AGMO: variants seen among roughly 807,000 people sequenced by gnomAD.
AGMO encodes glyceryl-ether monooxygenase.
AGMO carries 75 observed loss-of-function variants against 60.2 expected under a neutral mutation model. That is an observed-to-expected ratio of 1.25 (90% CI 1.03 to 1.51). AGMO has a LOEUF of 1.51. Ranked by LOEUF, AGMO falls within the 40% of genes most tolerant of loss-of-function variation. AGMO has a pLI of 0.00. For synonymous variants in AGMO, 261 were observed against 177.1 expected (o/e 1.47, Z -3.76); for missense variants, 763 against 525.5 (o/e 1.45, Z -4.42).
intron 5 of AGMO, among the ~76,000 whole-genome samples, chr7:15,416,571 A>G (rs187891740): frequency 6.6e-6 from 1 of 152,132 alleles, no homozygotes; most frequent in Non-Finnish European, 1.5e-5. Context: ...ACTGATTTTT[A>G]TGGATGTTAG....
chr7:15,139,125 A>C, the AGMO span, among the ~76,000 whole-genome samples: 1 of 152,048 alleles, frequency 6.6e-6, no homozygotes, highest in Non-Finnish European at 1.5e-5. Context: ...TTGCCATGTT[A>C]TTATTCTTAT....
intron 3 of AGMO, among the ~76,000 whole-genome samples, chr7:15,431,644 C>T (rs1781242655): frequency 6.6e-6 from 1 of 151,836 alleles, no homozygotes; most frequent in Non-Finnish European, 1.5e-5. Context: ...TAATATTTTG[C>T]ACTAAGTTCT....
chr7:15,487,000 T>C (rs1782941446), intron 3 of AGMO, among the ~76,000 whole-genome samples: 1 of 152,090 alleles, frequency 6.6e-6, no homozygotes, highest in Non-Finnish European at 1.5e-5. Flanking sequence ...CCTCTCACCA[T>C]CTCTGGAAGA....
At chr7:15,533,610 T>G (rs1018340109) in intron 3 of AGMO, among the ~76,000 whole-genome samples, 1 of 152,174 alleles carries the variant, frequency 6.6e-6, no homozygotes, top group East Asian at 1.9e-4. Context: ...GTCAGATTTT[T>G]TCCTGAGCAG....
rs1446792531 is a variant in AGMO, at chr7:15,322,585, AATATATAAATATATATAAAT to A, written c.1263+42909_1263+42928del. 2.7e-3 allele frequency among the ~76,000 whole-genome samples: 79 copies of A among 28,812 alleles called. 3 individuals are homozygous for A. The highest frequency in any genetic ancestry group is 5.4e-3 in the Admixed American group (7 of 1,308). 18.9% of individuals were successfully genotyped at this position (28,812 alleles called of 152,430 possible). ...ATATAAATATATATAAATATATATA[AATATATAAATATATATAAAT>A]ATATATAAATATATAAATATATATA... On this transcript the variant is annotated intron_variant, in intron 12 of 12. Coordinates refer to ENST00000342526, the MANE Select transcript of AGMO (RefSeq NM_001004320.2).
At chr7:15,335,074 G>A (rs193290117) in intron 12 of AGMO, among the ~76,000 whole-genome samples, 64 of 152,248 alleles carry the variant, frequency 4.2e-4, no homozygotes, top group African/African-American at 1.5e-3. Context: ...GGCTTGGGAA[G>A]CCGTATTCAT....
intron 3 of AGMO, among the ~76,000 whole-genome samples, chr7:15,467,461 T>G (rs1307311698): frequency 1.3e-5 from 2 of 152,202 alleles, no homozygotes; most frequent in African/African-American, 2.4e-5. Context: ...TGTTCCCTAA[T>G]TAACCTTGTT....
chr7:15,130,708 G>A, the AGMO span, among the ~76,000 whole-genome samples: 2 of 143,996 alleles, frequency 1.4e-5, no homozygotes, highest in Non-Finnish European at 2.9e-5. Context: ...AGAATATTTT[G>A]TGTTTGTTAA....
At chr7:15,421,586 G>A (rs951103373) in intron 4 of AGMO, among the ~76,000 whole-genome samples, 1 of 152,140 alleles carries the variant, frequency 6.6e-6, no homozygotes, top group Non-Finnish European at 1.5e-5. Context: ...TAGGAGTTGA[G>A]AGGTAAATAG....
intron 10 of AGMO, among the ~76,000 whole-genome samples, chr7:15,373,392 T>G (rs573989986): frequency 6.6e-6 from 1 of 152,154 alleles, no homozygotes; most frequent in Non-Finnish European, 1.5e-5. Flanking sequence ...TCCAACTTTC[T>G]TTAAATAGAT....
chr7:15,561,602 T>G, intron 1 of AGMO, 118 bp downstream of exon 1: 1 of 1,024,306 alleles, frequency 9.8e-7, no homozygotes, highest in South Asian at 3.0e-5. Context: ...ACTGAATTAT[T>G]ATTATTAGAA....
At chr7:15,478,337 C>A (rs1356011619) in intron 3 of AGMO, among the ~76,000 whole-genome samples, 1 of 152,100 alleles carries the variant, frequency 6.6e-6, no homozygotes, top group East Asian at 1.9e-4. Flanking sequence ...AAGGCTAAAG[C>A]TTGGTAATCT....
chr7:15,327,429 T>G (rs10230770), intron 12 of AGMO, among the ~76,000 whole-genome samples: 2 of 152,160 alleles, frequency 1.3e-5, no homozygotes, highest in East Asian at 3.9e-4. Flanking sequence ...TAGGAATGAC[T>G]GGGGCTGAGT....
At chr7:15,195,664 T>C (rs1332182526), downstream of AGMO, among the ~76,000 whole-genome samples, 1 of 152,204 alleles carries the variant, frequency 6.6e-6, no homozygotes, top group Non-Finnish European at 1.5e-5. Flanking sequence ...GGCATTTACC[T>C]GTGCAAGCTT....
downstream of AGMO, among the ~76,000 whole-genome samples, chr7:15,196,293 C>A (rs887584337): frequency 1.3e-5 from 2 of 152,102 alleles, no homozygotes; most frequent in Non-Finnish European, 2.9e-5. Flanking sequence ...ATGTGATCCA[C>A]CCAACTTGGC....
the AGMO span, among the ~76,000 whole-genome samples, chr7:15,122,984 C>T: frequency 6.6e-6 from 1 of 152,100 alleles, no homozygotes; most frequent in Non-Finnish European, 1.5e-5. Context: ...TCTGGCCCTC[C>T]TGATGCTTTC....
intron 12 of AGMO, among the ~76,000 whole-genome samples, chr7:15,260,889 A>C (rs1412377302): frequency 6.6e-6 from 1 of 151,736 alleles, no homozygotes; most frequent in Non-Finnish European, 1.5e-5. Flanking sequence ...AATACATGGA[A>C]ATTAAATAAC....
chr7:15,511,413 G>A (rs79355676), intron 3 of AGMO, among the ~76,000 whole-genome samples: 1 of 152,024 alleles, frequency 6.6e-6, no homozygotes, highest in South Asian at 2.1e-4. Context: ...AAATGACTTT[G>A]AACAAAACAA....
chr7:15,210,247 A>G (rs1057006545), intron 12 of AGMO, among the ~76,000 whole-genome samples: 8 of 152,152 alleles, frequency 5.3e-5, no homozygotes, highest in African/African-American at 1.9e-4. Flanking sequence ...AAGCAATCAG[A>G]TATTGCATTA....
Sources: allele counts gnomAD v4.1 joint callset (sites outside exome capture counted in the v4.1 genomes callset), GRCh38; gene constraint gnomAD v4.1.1; transcripts MANE v1.5; gene names NCBI Gene and HGNC (gene_info 2026-07-23, HGNC 2026-07-21).